Variants in STK32B observed in about 807,000 individuals in gnomAD.
The protein encoded by STK32B is serine/threonine-protein kinase 32B.
A neutral mutation model predicts 52.6 loss-of-function variants in STK32B; 43 were observed. The observed-to-expected ratio is 0.82, with a 90% CI of 0.64 to 1.05. STK32B has a LOEUF of 1.05. Among genes scored for constraint, STK32B ranks in the 50% least tolerant of loss-of-function variants. STK32B has a pLI of 0.00. For synonymous variants in STK32B, 238 were observed against 204.3 expected (o/e 1.17, Z -1.41); for missense variants, 621 against 534.6 (o/e 1.16, Z -1.59).
At chr4:5,489,579 TA>T (rs547878622) in intron 11 of STK32B, among the ~76,000 whole-genome samples, 9 of 152,184 alleles carry the variant, frequency 5.9e-5, no homozygotes, top group Non-Finnish European at 8.8e-5. Flanking sequence ...GAAGACATTT[TA>T]AATTTTATTT....
At chr4:5,435,354 C>A (rs1025705292) in intron 6 of STK32B, among the ~76,000 whole-genome samples, 1 of 152,198 alleles carries the variant, frequency 6.6e-6, no homozygotes, top group Non-Finnish European at 1.5e-5. Flanking sequence ...TTTGCTGTCC[C>A]GGTGAGCCAG....
intron 3 of STK32B, among the ~76,000 whole-genome samples, chr4:5,316,613 T>TATATATTATATATATAATATATA (rs1199400195): frequency 1.3e-4 from 2 of 15,140 alleles, no homozygotes; most frequent in African/African-American, 8.1e-4. Context: ...TAATATATAT[T>TATATATTATATATATAATATATA]ATATATTATA....
intron 3 of STK32B, among the ~76,000 whole-genome samples, chr4:5,306,042 A>G (rs1030764251): frequency 1.4e-4 from 21 of 152,016 alleles, no homozygotes; most frequent in African/African-American, 4.8e-4. Context: ...TTGGTTTCCA[A>G]TTTTATTCCA....
intron 1 of STK32B, among the ~76,000 whole-genome samples, chr4:5,104,236 C>T (rs140654255): frequency 2.3e-3 from 349 of 152,228 alleles, no homozygotes; most frequent in African/African-American, 8.1e-3. Flanking sequence ...GTAAGTCTCA[C>T]GAGATCTGAT....
At chr4:5,371,856 G>A (rs894410738) in intron 4 of STK32B, among the ~76,000 whole-genome samples, 1 of 152,218 alleles carries the variant, frequency 6.6e-6, no homozygotes, top group African/African-American at 2.4e-5. Context: ...TCTCTGGAGG[G>A]AGTCTTTTCC....
At chr4:5,281,161 A>G (rs934541861) in intron 3 of STK32B, among the ~76,000 whole-genome samples, 1 of 146,490 alleles carries the variant, frequency 6.8e-6, no homozygotes, top group African/African-American at 2.7e-5. Context: ...AGAACTCACT[A>G]TCATGAGAAC....
chr4:5,384,342 C>T (rs1056264141), intron 4 of STK32B, among the ~76,000 whole-genome samples: 5 of 152,066 alleles, frequency 3.3e-5, no homozygotes, highest in African/African-American at 1.2e-4. Flanking sequence ...GCAGGGTTTG[C>T]TATTCAGGCA....
intron 2 of STK32B, among the ~76,000 whole-genome samples, chr4:5,164,126 A>C (rs534208076): frequency 1.3e-5 from 2 of 152,176 alleles, no homozygotes; most frequent in Non-Finnish European, 2.9e-5. Flanking sequence ...ATAACTTCCT[A>C]AACCAGGTAG....
In STK32B at chr4:5,406,311, G is replaced by A. The variant is rs142436715; in HGVS notation, c.472+8067G>A. ...CCCCCTCGGCTGCCTTCACAGGTTG[G>A]CATTGAGTGATTGTGGCTTTTCTAG... On this transcript the variant is annotated intron_variant, in intron 5 of 11. Coordinates refer to ENST00000282908, the MANE Select transcript of STK32B (RefSeq NM_018401.3). Among the ~76,000 whole-genome samples the A allele has an allele frequency of 2.5e-4, 38 of 152,332 alleles. 1 individual carries two copies. The highest frequency in any genetic ancestry group is 8.2e-4 in the African/African-American group (34 of 41,554).
At chr4:5,431,736 C>A (rs195122) in intron 6 of STK32B, among the ~76,000 whole-genome samples, 3 of 151,920 alleles carry the variant, frequency 2.0e-5, no homozygotes, top group Non-Finnish European at 4.4e-5. Flanking sequence ...CTATTGCTAG[C>A]AATGCTACTA....
intron 3 of STK32B, among the ~76,000 whole-genome samples, chr4:5,248,315 C>T (rs979319276): frequency 3.9e-5 from 6 of 152,196 alleles, no homozygotes; most frequent in African/African-American, 1.2e-4. Context: ...CCTAGGCTTT[C>T]AGCTTTAGTA....
rs567963979 is a variant in STK32B, at chr4:5,297,449, C to T, written c.261-33771C>T. 3.3e-5 allele frequency among the ~76,000 whole-genome samples: 5 copies of T among 152,068 alleles called. No homozygotes were observed. In the South Asian group the frequency reaches 1.0e-3, roughly 32 times the overall value. Reference sequence around the variant, plus strand: ...TAGTTTTGGTCTTTTTACATAGTCACATATTTCTTGGTGGCTTTTCATTCT... The same window carrying T: ...TAGTTTTGGTCTTTTTACATAGTCATATATTTCTTGGTGGCTTTTCATTCT... On this transcript the variant is annotated intron_variant, in intron 3 of 11. Coordinates refer to ENST00000282908, the MANE Select transcript of STK32B (RefSeq NM_018401.3).
intron 3 of STK32B, among the ~76,000 whole-genome samples, chr4:5,204,548 C>T (rs1722421965): frequency 2.0e-5 from 3 of 151,830 alleles, no homozygotes; most frequent in South Asian, 2.1e-4. Flanking sequence ...CGACTCACTG[C>T]AATCTCCGCC....
chr4:5,074,185 T>C (rs1711939725), intron 1 of STK32B, among the ~76,000 whole-genome samples: 1 of 105,032 alleles, frequency 9.5e-6, no homozygotes, highest in Admixed American at 1.2e-4. Context: ...TGTAAATATA[T>C]ATATGTGTGT....
chr4:5,051,834 G>T lies in STK32B; in HGVS notation c.-30G>T. 6.3e-7 allele frequency: 1 copy of T among 1,584,456 alleles called. No individual in the cohort carries two copies. Among genetic ancestry groups the T allele is most frequent in the Non-Finnish European group, 8.6e-7 (1 of 1,166,050 alleles). ...CCCGCATCCGGCATCCCAGCGGCCG[G>T]GCATGTAGCAGCGGCAGCAACGGCG... On this transcript the variant is annotated 5_prime_UTR_variant, in exon 1 of 12. Coordinates refer to ENST00000282908, the MANE Select transcript of STK32B (RefSeq NM_018401.3).
intron 1 of STK32B, among the ~76,000 whole-genome samples, chr4:5,131,357 G>A (rs1399798514): frequency 2.0e-5 from 3 of 152,150 alleles, no homozygotes; most frequent in Admixed American, 1.3e-4. Context: ...ACCGTCATGT[G>A]GCAATTTTAT....
At position 5,453,819 on chromosome 4, in the gene STK32B, C is replaced by T. The variant is rs183355702; in HGVS notation, c.667-2988C>T. Among the ~76,000 whole-genome samples the T allele has an allele frequency of 1.8e-3, 275 of 152,132 alleles. No homozygotes were observed. Among genetic ancestry groups the T allele is most frequent in the African/African-American group, 6.3e-3 (262 of 41,500 alleles). On this transcript the variant is annotated intron_variant, in intron 7 of 11. Transcript: ENST00000282908. This position sits in a 1 kb window ranked among gnomAD's most constrained non-coding sequence, Gnocchi z 4.0. ...ACTTGGGAGACTGAGGCAGGAGAAT[C>T]GCTTGAACCTGGCAGGTGGAGGTTG...
Position 5,490,209 on chromosome 4 carries a change from C to T in STK32B, c.1107-8736C>T, listed in dbSNP as rs1719601014. On this transcript the variant is annotated intron_variant, in intron 11 of 11. Coordinates refer to ENST00000282908, the MANE Select transcript of STK32B (RefSeq NM_018401.3). ...GAAACCTCTACCTCCCGGGTTCAAG[C>T]AATTCTCCTGCCTCAGCCTCCCGAG... Among the ~76,000 whole-genome samples, 4 of 151,896 alleles carry T rather than the reference C, an allele frequency of 2.6e-5. No individual in the cohort carries two copies. In the South Asian group the frequency reaches 8.3e-4, roughly 32 times the overall value.
intron 3 of STK32B, among the ~76,000 whole-genome samples, chr4:5,249,672 T>C (rs906806115): frequency 1.3e-5 from 2 of 152,192 alleles, no homozygotes. Flanking sequence ...TCTTCCTTGA[T>C]CCAGATATCA....
Sources: allele counts gnomAD v4.1 joint callset (sites outside exome capture counted in the v4.1 genomes callset), GRCh38; gene constraint gnomAD v4.1.1; non-coding constraint Gnocchi (gnomAD v3.1); transcripts MANE v1.5; gene names NCBI Gene and HGNC (gene_info 2026-07-23, HGNC 2026-07-21).